Variants in HTR3B observed in about 807,000 individuals in gnomAD.
The protein encoded by HTR3B is 5-hydroxytryptamine (serotonin) receptor 3B, ionotropic.
A neutral mutation model predicts 42.8 loss-of-function variants in HTR3B; 44 were observed. The ratio of observed to expected loss-of-function variants is 1.03; its 90% CI spans 0.81 to 1.32. The LOEUF is 1.32. Ranked by LOEUF, HTR3B falls within the 40% of genes most tolerant of loss-of-function variation. HTR3B has a pLI of 0.00. For missense variants in HTR3B, 527 were observed against 536.5 expected (o/e 0.98, Z 0.17); for synonymous variants, 203 against 209.0 (o/e 0.97, Z 0.25).
chr11:113,948,050 C>T lies in HTR3B; in HGVS notation c.*1913C>T, dbSNP rs575007239. 2.8e-4 allele frequency among the ~76,000 whole-genome samples: 43 copies of T among 152,174 alleles called. No individual in the cohort carries two copies. The highest frequency in any genetic ancestry group is 9.6e-4 in the African/African-American group (40 of 41,508). ...ACCTGCATCTTCCCTCTCTCATTACCTCCCAGTTAGTGCTCAGCGCCAATT... is the reference window on the plus strand; with the variant it reads ...ACCTGCATCTTCCCTCTCTCATTACTTCCCAGTTAGTGCTCAGCGCCAATT... On this transcript the variant is annotated 3_prime_UTR_variant, in exon 9 of 9. Coordinates refer to ENST00000260191, the MANE Select transcript of HTR3B (RefSeq NM_006028.5).
At position 113,947,165 on chromosome 11, in the gene HTR3B, G is replaced by A. The variant is rs1330325063; in HGVS notation, c.*1028G>A. ...TGTCACCAGATTGGAGTGCAGTGGT[G>A]CAATCTTGGCTCACTGTAACCTCCA... On this transcript the variant is annotated 3_prime_UTR_variant, in exon 9 of 9. Transcript: ENST00000260191. 6.6e-6 allele frequency among the ~76,000 whole-genome samples: 1 copy of A among 151,556 alleles called. No homozygotes were observed. The highest frequency in any genetic ancestry group is 1.5e-5 in the Non-Finnish European group (1 of 67,910).
intron 2 of HTR3B, among the ~76,000 whole-genome samples, chr11:113,926,708 A>G (rs1199424120): frequency 1.3e-5 from 2 of 151,930 alleles, no homozygotes; most frequent in African/African-American, 2.4e-5. Flanking sequence ...TTGTATTTTT[A>G]GTAGAGACAA....
chr11:113,919,830 AAACAAC>A (rs149081128), intron 2 of HTR3B, among the ~76,000 whole-genome samples: 218 of 148,920 alleles, frequency 1.5e-3, no homozygotes, highest in Middle Eastern at 0.01. Context: ...CTCCATCTCA[AAACAAC>A]AACAACAACA....
At chr11:113,927,710 G>A (rs185907916) in intron 2 of HTR3B, among the ~76,000 whole-genome samples, 201 of 151,864 alleles carry the variant, frequency 1.3e-3, no homozygotes, top group South Asian at 0.011. Context: ...TGACAGGCAC[G>A]TGCCACTAAG....
At chr11:113,944,860 TACA>T (rs1471358253) in intron 8 of HTR3B, 105 bp downstream of exon 8, 10 of 1,011,758 alleles carry the variant, frequency 9.9e-6, no homozygotes, top group African/African-American at 3.2e-5. Flanking sequence ...GTGAAAAACC[TACA>T]ACAACTGCTT....
At chr11:113,910,012 T>C (rs1008800824) in intron 2 of HTR3B, among the ~76,000 whole-genome samples, 3 of 136,362 alleles carry the variant, frequency 2.2e-5, no homozygotes, top group African/African-American at 8.1e-5. Context: ...AAAAAAAAAC[T>C]TGTGGTCATG....
chr11:113,908,463 G>C (rs769182716), intron 1 of HTR3B, among the ~76,000 whole-genome samples: 7 of 152,198 alleles, frequency 4.6e-5, no homozygotes, highest in Admixed American at 4.6e-4. Flanking sequence ...TCGGTCCAAT[G>C]ACTGAGTGAA....
Position 113,946,026 on chromosome 11 carries a change from G to A in HTR3B, c.1215G>A (p.Trp405Ter). Residue 405 changes from tryptophan to a stop codon, truncating the protein, a stop_gained, in exon 9 of 9, where the codon TGG becomes TGA. Transcript: ENST00000260191. LOFTEE classifies it low-confidence loss of function (END_TRUNC). Reference protein sequence around the residue: ...QDQTDQQEAEWLVLLSRFDRL... With the variant: ...QDQTDQQEAE ...AGACAGACCAACAGGAGGCAGAGTG[G>A]CTGGTCCTCCTGTCCCGCTTTGACC... The A allele has an allele frequency of 6.2e-7, 1 of 1,613,890 alleles. No individual in the cohort carries two copies. Among genetic ancestry groups the A allele is most frequent in the Non-Finnish European group, 8.5e-7 (1 of 1,179,866 alleles).
At chr11:113,937,252 G>A (rs11214776) in intron 6 of HTR3B, among the ~76,000 whole-genome samples, 2,683 of 152,222 alleles carry the variant, frequency 0.018, 42 homozygotes, top group Non-Finnish European at 0.028. Context: ...CAGAGAGGTC[G>A]CCCTCAGAAA....
intron 2 of HTR3B, among the ~76,000 whole-genome samples, chr11:113,924,283 G>T (rs1565560938): frequency 6.6e-6 from 1 of 152,056 alleles, no homozygotes; most frequent in Non-Finnish European, 1.5e-5. Context: ...GCTTTAGTGG[G>T]TGAGACATAA....
chr11:113,939,743 G>C (rs910855089), intron 6 of HTR3B, among the ~76,000 whole-genome samples: 2 of 152,258 alleles, frequency 1.3e-5, no homozygotes, highest in Middle Eastern at 3.4e-3. Flanking sequence ...TTGTACCCAA[G>C]ATGTTTGGCA....
At position 113,932,271 on chromosome 11, in the gene HTR3B, C is replaced by T; in HGVS notation, c.369-18C>T. 1 of 1,596,396 alleles carries T rather than the reference C, an allele frequency of 6.3e-7. No individual in the cohort carries two copies. The highest frequency in any genetic ancestry group is 8.6e-7 in the Non-Finnish European group (1 of 1,167,778). ...AACATCCTCTCTGTGACAACAAGTT[C>T]TCTTGTGTTTCATATAGTGTGGACA... is the stretch of plus-strand genomic sequence containing the variant. On this transcript the variant is annotated intron_variant, in intron 4 of 8. Transcript: ENST00000260191.
rs562934825 is a variant in HTR3B, at chr11:113,931,462, A to C, written c.258+34A>C. ...TTATGTTTTCTTCTAAATATATTGC[A>C]CTCCTGATCTGGATCTGCTGCAAAA... On this transcript the variant is annotated intron_variant, in intron 3 of 8. Coordinates refer to ENST00000260191, the MANE Select transcript of HTR3B (RefSeq NM_006028.5). 4.6e-6 allele frequency: 6 copies of C among 1,315,346 alleles called. 1 individual carries two copies. The highest frequency in any genetic ancestry group is 4.4e-5 in the African/African-American group (3 of 68,114). The allele number at this position is 1,315,346 out of a possible 1,614,324, so 81.5% of individuals were successfully genotyped here.
rs912102354 is a variant in HTR3B, at chr11:113,946,294, A to T, written c.*157A>T. The stretch of plus-strand genomic sequence containing the variant: ...AGCAGGAGGATTGCTTGAGCCCAGG[A>T]GTTCGAGACCAGCCAGAGCAACATA... On this transcript the variant is annotated 3_prime_UTR_variant, in exon 9 of 9. Transcript: ENST00000260191. 9.8e-6 allele frequency: 6 copies of T among 614,598 alleles called. No homozygotes were observed. The Admixed American group carries it at 1.3e-4, about 13-fold the overall frequency. The allele number at this position is 614,598 out of a possible 1,614,324, so 38.1% of individuals were successfully genotyped here.
rs181887382 is a variant in HTR3B at position 113,917,663 on chromosome 11, T to G, written c.213+8208T>G. ...TTTTACTCTGTCTCCCAGGCTGGAG[T>G]GCAGCGGCATGTCTCACTGCAGCCT... On this transcript the variant is annotated intron_variant, in intron 2 of 8. Transcript: ENST00000260191. Among the ~76,000 whole-genome samples the G allele has an allele frequency of 2.8e-4, 42 of 152,104 alleles. 1 individual carries two copies. The highest frequency in any genetic ancestry group is 9.6e-4 in the African/African-American group (40 of 41,478).
intron 8 of HTR3B, 60 bp downstream of exon 8, chr11:113,944,815 C>T: frequency 1.3e-6 from 2 of 1,535,380 alleles, no homozygotes; most frequent in Non-Finnish European, 1.8e-6. Context: ...AAATTCATTC[C>T]CGTTGATGAT....
intron 2 of HTR3B, among the ~76,000 whole-genome samples, chr11:113,916,298 C>A (rs190491848): frequency 1.3e-5 from 2 of 152,090 alleles, no homozygotes; most frequent in Middle Eastern, 3.2e-3. Flanking sequence ...CTGCTCAAAT[C>A]TTTTATTTAA....
chr11:113,927,113 C>T (rs965546203), intron 2 of HTR3B, among the ~76,000 whole-genome samples: 8 of 152,112 alleles, frequency 5.3e-5, no homozygotes, highest in African/African-American at 1.9e-4. Flanking sequence ...TTTTACTTGT[C>T]ATAAAATACA....
intron 1 of HTR3B, among the ~76,000 whole-genome samples, chr11:113,908,062 A>G (rs1293403876): frequency 6.6e-6 from 1 of 152,198 alleles, no homozygotes; most frequent in African/African-American, 2.4e-5. Context: ...CATTTTAGGC[A>G]TCTTCTTGGG....
Sources: gnomAD v4.1 joint callset for allele counts (sites outside exome capture counted in the v4.1 genomes callset) on GRCh38, gnomAD v4.1.1 for gene constraint, MANE v1.5 for transcripts, NCBI Gene and HGNC (gene_info 2026-07-23, HGNC 2026-07-21) for gene names.